GREM2: variants seen among roughly 807,000 people sequenced by gnomAD.
GREM2 encodes gremlin 2, DAN family BMP antagonist, also known as gremlin-2.
Under a neutral mutation model 14.2 loss-of-function variants are expected in GREM2, and 11 were observed. That is an observed-to-expected ratio of 0.78 (90% CI 0.49 to 1.28). GREM2 has a LOEUF of 1.28. Ranked by LOEUF, GREM2 falls within the 50% of genes most tolerant of loss-of-function variation. GREM2 has a pLI of 0.00. For synonymous variants in GREM2, 98 were observed against 97.6 expected, an observed-to-expected ratio of 1.00 and a Z score of -0.02; for missense variants, 210 against 218.5, an observed-to-expected ratio of 0.96 and a Z score of 0.24.
intron 1 of GREM2, among the ~76,000 whole-genome samples, chr1:240,592,437 A>C (rs1297539729): frequency 6.6e-6 from 1 of 152,214 alleles, no homozygotes; most frequent in East Asian, 1.9e-4. Flanking sequence ...AAAGCCATTA[A>C]AATGGTCCTT....
At position 240,554,861 on chromosome 1, in the gene GREM2, T is replaced by A. The variant is rs188986280; in HGVS notation, c.-2+57023A>T. Among the ~76,000 whole-genome samples the A allele has an allele frequency of 2.6e-5, 4 of 152,234 alleles. No individual in the cohort carries two copies. The East Asian group carries it at 7.7e-4, about 29-fold the overall frequency. On this transcript the variant is annotated intron_variant, in intron 1 of 1. Coordinates refer to ENST00000318160, the MANE Select transcript of GREM2 (RefSeq NM_022469.4). ...AGATTCTATTGTAATTTAAGAATTG[T>A]GGGTGGGTGCGGTGGCTCACGCCTG... is the stretch of plus-strand genomic sequence containing the variant.
At chr1:240,557,708 G>GA (rs1678976744) in intron 1 of GREM2, among the ~76,000 whole-genome samples, 2 of 151,382 alleles carry the variant, frequency 1.3e-5, no homozygotes, top group South Asian at 2.1e-4. Flanking sequence ...TCAAACTAAG[G>GA]AAAAAAACAA....
rs543410183 is a variant in GREM2 at position 240,553,442 on chromosome 1, T to C, written c.-2+58442A>G. ...TTTTGATATCCTCACTCATGGTCCCTACATACTCATCAATTGTCAGATGCG... is the reference window on the plus strand; with the variant it reads ...TTTTGATATCCTCACTCATGGTCCCCACATACTCATCAATTGTCAGATGCG... On this transcript the variant is annotated intron_variant, in intron 1 of 1. Transcript: ENST00000318160. Among the ~76,000 whole-genome samples the C allele has an allele frequency of 4.3e-4, 65 of 152,354 alleles. 1 individual carries two copies. Among genetic ancestry groups the C allele is most frequent in the African/African-American group, 1.5e-3 (62 of 41,596 alleles).
chr1:240,573,699 A>C (rs112827531), intron 1 of GREM2, among the ~76,000 whole-genome samples: 1,599 of 152,294 alleles, frequency 0.01, 31 homozygotes, highest in African/African-American at 0.037. Context: ...TTCAACACCC[A>C]GTCCTCAGGA....
At chr1:240,519,941 G>A (rs1192232468) in intron 1 of GREM2, among the ~76,000 whole-genome samples, 1 of 152,050 alleles carries the variant, frequency 6.6e-6, no homozygotes, top group Non-Finnish European at 1.5e-5. Context: ...TTAGCTGGGC[G>A]TGGTGGCGCA....
At chr1:240,556,245 C>A (rs1309629023) in intron 1 of GREM2, among the ~76,000 whole-genome samples, 1 of 152,280 alleles carries the variant, frequency 6.6e-6, no homozygotes, top group Non-Finnish European at 1.5e-5. Context: ...AGTGAAATCC[C>A]CAGACTTCCT....
chr1:240,527,662 C>T (rs192080316), intron 1 of GREM2, among the ~76,000 whole-genome samples: 25 of 152,244 alleles, frequency 1.6e-4, no homozygotes, highest in Admixed American at 3.9e-4. Context: ...CTCATTTATT[C>T]AATGTGTATT....
chr1:240,543,802 G>A lies in GREM2; in HGVS notation c.-1-50326C>T, dbSNP rs539470956. Among the ~76,000 whole-genome samples the A allele has an allele frequency of 1.6e-4, 25 of 152,184 alleles. 2 individuals are homozygous for A. In the South Asian group the frequency reaches 1.9e-3, roughly 11 times the overall value. ...AAAGGGATTGATATACAGGCCTAAC[G>A]CTATTTTTGACACTTGATATCTTAA... On this transcript the variant is annotated intron_variant, in intron 1 of 1. Coordinates refer to ENST00000318160, the MANE Select transcript of GREM2 (RefSeq NM_022469.4). The surrounding 1 kb of genome is among the most constrained non-coding windows in gnomAD (Gnocchi z 6.4).
At chr1:240,589,513 T>A (rs1679667793) in intron 1 of GREM2, among the ~76,000 whole-genome samples, 1 of 152,168 alleles carries the variant, frequency 6.6e-6, no homozygotes, top group African/African-American at 2.4e-5. Flanking sequence ...TTTTCTTTCC[T>A]CATCCTACTC....
intron 1 of GREM2, among the ~76,000 whole-genome samples, chr1:240,586,866 C>A (rs1679609004): frequency 6.6e-6 from 1 of 152,170 alleles, no homozygotes; most frequent in Non-Finnish European, 1.5e-5. Flanking sequence ...GGGTTCTAGT[C>A]AGTTCTACTT....
At chr1:240,597,280 A>G (rs1383769008) in intron 1 of GREM2, among the ~76,000 whole-genome samples, 1 of 152,244 alleles carries the variant, frequency 6.6e-6, no homozygotes, top group African/African-American at 2.4e-5. Context: ...ACAAGCAAGC[A>G]AATCAGCGGG....
chr1:240,570,550 C>T (rs6682794), intron 1 of GREM2, among the ~76,000 whole-genome samples: 51,905 of 151,956 alleles, frequency 0.34, 8,924 homozygotes, highest in East Asian at 0.44. Flanking sequence ...AGCAAAAAAC[C>T]AGTATGCCCC....
At chr1:240,507,864 C>T (rs1457605737) in intron 1 of GREM2, among the ~76,000 whole-genome samples, 2 of 152,150 alleles carry the variant, frequency 1.3e-5, no homozygotes, top group African/African-American at 4.8e-5. Context: ...ATTGACTATG[C>T]TTTAAAATGT....
intron 1 of GREM2, among the ~76,000 whole-genome samples, chr1:240,587,231 C>T (rs1022938548): frequency 7.2e-5 from 11 of 152,174 alleles, no homozygotes; most frequent in African/African-American, 2.7e-4. Flanking sequence ...AATATGTACT[C>T]CCAGATTTTT....
intron 1 of GREM2, among the ~76,000 whole-genome samples, chr1:240,572,906 T>G (rs1039357402): frequency 6.6e-6 from 1 of 152,184 alleles, no homozygotes; most frequent in East Asian, 1.9e-4. Flanking sequence ...ACTGGCTTTA[T>G]AGGTAAAATA....
intron 1 of GREM2, among the ~76,000 whole-genome samples, chr1:240,609,266 C>G (rs987869973): frequency 4.6e-5 from 7 of 152,122 alleles, no homozygotes; most frequent in African/African-American, 1.4e-4. Flanking sequence ...AGTGCGCCAA[C>G]ACCGTCTGGG....
chr1:240,493,607 T>A, intron 1 of GREM2, 131 bp from the exon 2 acceptor site: 1 of 1,103,428 alleles, frequency 9.1e-7, no homozygotes. Flanking sequence ...GGCACGTAGC[T>A]TGCTGCAGGC....
intron 1 of GREM2, among the ~76,000 whole-genome samples, chr1:240,544,400 G>A (rs929939111): frequency 6.6e-6 from 1 of 152,076 alleles, no homozygotes; most frequent in Admixed American, 6.6e-5. Context: ...GCCCGCCTTG[G>A]CCTCCCAAAG....
intron 1 of GREM2, among the ~76,000 whole-genome samples, chr1:240,522,581 T>C (rs1328358696): frequency 6.6e-6 from 1 of 152,186 alleles, no homozygotes; most frequent in Non-Finnish European, 1.5e-5. Flanking sequence ...ACCTCTATGT[T>C]ATCAGTTCCT....
Sources: gnomAD v4.1 joint callset for allele counts (sites outside exome capture counted in the v4.1 genomes callset) on GRCh38, gnomAD v4.1.1 for gene constraint, Gnocchi (gnomAD v3.1) non-coding constraint, MANE v1.5 for transcripts, NCBI Gene and HGNC (gene_info 2026-07-23, HGNC 2026-07-21) for gene names.